Variants in MINDY4B observed in about 807,000 individuals in gnomAD.
MINDY4B encodes the protein MINDY family member 4B.
In MINDY4B, 25 loss-of-function variants were observed where a neutral mutation model predicts 16.7. That is an observed-to-expected ratio of 1.49 (90% CI 1.09 to 2.09). MINDY4B has a LOEUF of 2.09. MINDY4B is among the 30% of genes most tolerant of loss of function. The pLI is 0.00. For synonymous variants in MINDY4B, 132 were observed against 61.9 expected (o/e 2.13, Z -5.32); for missense variants, 327 against 168.4 (o/e 1.94, Z -5.21).
chr3:150,890,055 A>G (rs1451429045), intron 7 of MINDY4B, among the ~76,000 whole-genome samples: 1 of 152,202 alleles, frequency 6.6e-6, no homozygotes, highest in African/African-American at 2.4e-5. Context: ...ATACTGGTAT[A>G]TACTCTCTAA....
chr3:150,873,731 T>C (rs1418686293), intron 10 of MINDY4B, among the ~76,000 whole-genome samples: 1 of 152,210 alleles, frequency 6.6e-6, no homozygotes, highest in African/African-American at 2.4e-5. Flanking sequence ...TCTGTGTTTG[T>C]CACTGACTAG....
chr3:150,883,816 C>T (rs1325783423), intron 8 of MINDY4B, 44 bp from the exon 9 acceptor site: 2 of 698,524 alleles, frequency 2.9e-6, no homozygotes, highest in African/African-American at 3.5e-5. Context: ...AGAGACAGTG[C>T]ACCGGGAGCC....
chr3:150,877,573 T>A (rs1357763491), intron 10 of MINDY4B, among the ~76,000 whole-genome samples: 6 of 152,154 alleles, frequency 3.9e-5, no homozygotes, highest in Non-Finnish European at 1.5e-5. Context: ...GGTTAGCATG[T>A]CTCTAAGCAC....
At chr3:150,901,624 C>T (rs542237764) in intron 3 of MINDY4B, among the ~76,000 whole-genome samples, 11 of 150,824 alleles carry the variant, frequency 7.3e-5, no homozygotes, top group African/African-American at 1.2e-4. Flanking sequence ...TGGGTTCAAG[C>T]GATTCTCCTG....
chr3:150,876,936 C>CAGGG (rs1384851665), intron 10 of MINDY4B, among the ~76,000 whole-genome samples: 1 of 152,136 alleles, frequency 6.6e-6, no homozygotes, highest in African/African-American at 2.4e-5. Context: ...AGAAAAGTGA[C>CAGGG]AGGGAGGCTT....
chr3:150,898,789 A>C (rs963409383), intron 3 of MINDY4B, among the ~76,000 whole-genome samples: 1 of 152,158 alleles, frequency 6.6e-6, no homozygotes, highest in Non-Finnish European at 1.5e-5. Context: ...TCATTTAGAC[A>C]CACACATTTT....
Position 150,905,084 on chromosome 3 carries a change from C to G in MINDY4B, c.119G>C (p.Gly40Ala), listed in dbSNP as rs142024922. 9.2e-4 allele frequency: 367 copies of G among 398,486 alleles called. 3 individuals are homozygous for G. Among genetic ancestry groups the G allele is most frequent in the African/African-American group, 6.8e-3 (332 of 48,716 alleles). 24.7% of individuals were successfully genotyped at this position (398,486 alleles called of 1,614,324 possible). The change falls in exon 2 of 12, where the codon GGA becomes GCA. Residue 40 changes from glycine to alanine, a missense_variant. Gly to Ala is a moderately conservative substitution (Grantham distance 60, BLOSUM62 0). Coordinates refer to ENST00000465419, the MANE Select transcript of MINDY4B (RefSeq NM_001351281.2). ...WREIFSYHRLGTNNSTPQNHE... is the reference protein window; with the variant it reads ...WREIFSYHRLATNNSTPQNHE... ...TACCTGAGGAGTTGAATTATTGGTT[C>G]CCAACCTTTAAATGAAAGAGAAAAC...
chr3:150,897,921 G>A (rs1559968898), intron 3 of MINDY4B, among the ~76,000 whole-genome samples: 5 of 152,334 alleles, frequency 3.3e-5, no homozygotes, highest in East Asian at 3.9e-4. Flanking sequence ...AATGGAAAAT[G>A]TTTCCCTGAC....
At chr3:150,892,421 G>C (rs1711841204) in intron 5 of MINDY4B, among the ~76,000 whole-genome samples, 2 of 152,296 alleles carry the variant, frequency 1.3e-5, no homozygotes, top group Non-Finnish European at 2.9e-5. Context: ...TGCTTCTAGG[G>C]AAACTGGCAG....
intron 1 of MINDY4B, 30 bp downstream of exon 1, chr3:150,905,297 T>C: frequency 2.5e-6 from 1 of 398,466 alleles, no homozygotes; most frequent in Non-Finnish European, 4.4e-6. Context: ...CCTTTGTTTC[T>C]AAAGAAATGA....
intron 10 of MINDY4B, among the ~76,000 whole-genome samples, chr3:150,874,094 C>T (rs1717035600): frequency 6.9e-6 from 1 of 145,794 alleles, no homozygotes; most frequent in Non-Finnish European, 1.5e-5. Flanking sequence ...CGGCTCACTG[C>T]AGCCTTGACT....
intron 7 of MINDY4B, among the ~76,000 whole-genome samples, chr3:150,886,743 C>T (rs1711631521): frequency 6.6e-6 from 1 of 152,184 alleles, no homozygotes; most frequent in South Asian, 2.1e-4. Flanking sequence ...CCCTCTGCTT[C>T]CCTGGTCACA....
At chr3:150,893,270 A>T (rs1473557142) in intron 5 of MINDY4B, 54 bp downstream of exon 5, 2 of 700,706 alleles carry the variant, frequency 2.9e-6, no homozygotes, top group Non-Finnish European at 5.2e-6. Flanking sequence ...ATTATTTAGC[A>T]TATCAAGATT....
intron 5 of MINDY4B, among the ~76,000 whole-genome samples, chr3:150,892,569 A>G (rs1576613754): frequency 6.6e-6 from 1 of 152,184 alleles, no homozygotes; most frequent in African/African-American, 2.4e-5. Flanking sequence ...GTTAACTTCT[A>G]GGAATAAAGT....
chr3:150,897,265 C>T (rs1261409168), intron 3 of MINDY4B, among the ~76,000 whole-genome samples: 2 of 151,904 alleles, frequency 1.3e-5, no homozygotes, highest in African/African-American at 4.8e-5. Flanking sequence ...CAAACATGCA[C>T]ACATCAGTAC....
At chr3:150,876,585 G>A (rs1320503548) in intron 10 of MINDY4B, among the ~76,000 whole-genome samples, 2 of 152,160 alleles carry the variant, frequency 1.3e-5, no homozygotes, top group African/African-American at 2.4e-5. Flanking sequence ...TGTTTGCAGG[G>A]CGCTACCTCA....
Position 150,894,314 on chromosome 3 carries a change from AG to A in MINDY4B, c.310-10del, listed in dbSNP as rs1283244927. On this transcript the variant is annotated splice_polypyrimidine_tract_variant and intron_variant, in intron 3 of 11. Coordinates refer to ENST00000465419, the MANE Select transcript of MINDY4B (RefSeq NM_001351281.2). ...AGGATCTGCCGCAGCTTCTGAAAAGAGGGGAAAGAAATGATTCAACAAAAGA... is the reference window on the plus strand; with the variant it reads ...AGGATCTGCCGCAGCTTCTGAAAAGAGGGAAAGAAATGATTCAACAAAAGA... 1 of 685,572 alleles carries A rather than the reference AG, an allele frequency of 1.5e-6. No individual in the cohort carries two copies. The highest frequency in any genetic ancestry group is 2.2e-5 in the Admixed American group (1 of 44,614). The allele number at this position is 685,572 out of a possible 1,614,324, so 42.5% of individuals were successfully genotyped here.
chr3:150,885,948 A>C (rs964703386), intron 7 of MINDY4B, among the ~76,000 whole-genome samples: 1 of 152,206 alleles, frequency 6.6e-6, no homozygotes, highest in Admixed American at 6.5e-5. Context: ...AAGGATAAAA[A>C]GAACTTTTCT....
chr3:150,877,173 T>A (rs1711498036), intron 10 of MINDY4B, among the ~76,000 whole-genome samples: 1 of 152,174 alleles, frequency 6.6e-6, no homozygotes, highest in African/African-American at 2.4e-5. Flanking sequence ...GGAGGCAGCA[T>A]TACAGGATGG....
Sources: allele counts gnomAD v4.1 joint callset (sites outside exome capture counted in the v4.1 genomes callset), GRCh38; gene constraint gnomAD v4.1.1; transcripts MANE v1.5; gene names NCBI Gene and HGNC (gene_info 2026-07-23, HGNC 2026-07-21).